Variants in BNC2 observed in about 807,000 individuals in gnomAD.
BNC2 encodes the protein basonuclin zinc finger protein 2, also known as zinc finger protein basonuclin-2.
A neutral mutation model predicts 76.3 loss-of-function variants in BNC2; 20 were observed. The ratio of observed to expected loss-of-function variants is 0.26; its 90% CI spans 0.18 to 0.38. BNC2 has a LOEUF of 0.38. Ranked by LOEUF, BNC2 falls within the 10% of genes least tolerant of loss-of-function variation. The pLI is 1.00. For synonymous variants in BNC2, 582 were observed against 514.8 expected (o/e 1.13, Z -1.77); for missense variants, 1,382 against 1,399.8 (o/e 0.99, Z 0.20).
At chr9:16,856,764 C>T (rs147161579) in intron 1 of BNC2, among the ~76,000 whole-genome samples, 126 of 152,222 alleles carry the variant, frequency 8.3e-4, no homozygotes, top group African/African-American at 2.9e-3. Flanking sequence ...TTTAAATCAC[C>T]ATTTTGAATC....
At chr9:16,801,751 C>A (rs1488349817) in intron 1 of BNC2, among the ~76,000 whole-genome samples, 1 of 149,376 alleles carries the variant, frequency 6.7e-6, no homozygotes, top group African/African-American at 2.5e-5. Flanking sequence ...AAAACACACA[C>A]ACACAGAAAA....
intron 5 of BNC2, among the ~76,000 whole-genome samples, chr9:16,537,147 G>A (rs886748148): frequency 3.9e-5 from 6 of 151,926 alleles, no homozygotes; most frequent in Admixed American, 1.3e-4. Context: ...CAACTACCCT[G>A]GATAGAAGAT....
intron 3 of BNC2, chr9:16,726,676 C>T (rs939008699): frequency 1.3e-5 from 2 of 151,728 alleles, no homozygotes; most frequent in East Asian, 3.9e-4. Flanking sequence ...TACTTTCGTG[C>T]TGTGTGGATG....
chr9:16,691,309 A>C (rs546290039), intron 3 of BNC2, among the ~76,000 whole-genome samples: 1 of 152,222 alleles, frequency 6.6e-6, no homozygotes, highest in Admixed American at 6.5e-5. Flanking sequence ...GTCTCCCTCT[A>C]CATTTGATAA....
chr9:16,699,056 C>T, intron 3 of BNC2: 1 of 389,268 alleles, frequency 2.6e-6, no homozygotes, highest in Non-Finnish European at 5.0e-6. Context: ...TTCCAGAAAG[C>T]TAAGATGGTA....
intron 1 of BNC2, among the ~76,000 whole-genome samples, chr9:16,861,181 A>AAC (rs1287136917): frequency 1.4e-4 from 18 of 131,758 alleles, no homozygotes; most frequent in African/African-American, 5.3e-4. Context: ...ATCTCTACAA[A>AAC]ATATATATAT....
At chr9:16,465,773 T>C (rs1187491675) in intron 5 of BNC2, among the ~76,000 whole-genome samples, 1 of 152,188 alleles carries the variant, frequency 6.6e-6, no homozygotes, top group Non-Finnish European at 1.5e-5. Flanking sequence ...AAGTTCCACT[T>C]AGGAGATGAC....
At chr9:16,568,526 C>A (rs1952345) in intron 4 of BNC2, among the ~76,000 whole-genome samples, 27,382 of 151,992 alleles carry the variant, frequency 0.18, 4,664 homozygotes, top group African/African-American at 0.45. Flanking sequence ...CTAGCCCATG[C>A]ACTTCCACAG....
chr9:16,587,571 C>T (rs557454263), intron 3 of BNC2, among the ~76,000 whole-genome samples: 27 of 152,258 alleles, frequency 1.8e-4, no homozygotes, highest in African/African-American at 6.3e-4. Context: ...TCTCTTCTCT[C>T]CCCATCTGCA....
At chr9:16,867,823 G>A (rs1404969132) in intron 1 of BNC2, 1 of 150,138 alleles carries the variant, frequency 6.7e-6, no homozygotes, top group African/African-American at 2.5e-5. Context: ...AAAAATACAA[G>A]AAAAGATCAA....
intron 3 of BNC2, among the ~76,000 whole-genome samples, chr9:16,678,066 AAG>A (rs1309098850): frequency 1.3e-5 from 2 of 151,968 alleles, no homozygotes; most frequent in African/African-American, 4.8e-5. Flanking sequence ...GCAAAATAAA[AAG>A]AGAGAATAAT....
chr9:16,714,558 T>G (rs556144498), intron 3 of BNC2, among the ~76,000 whole-genome samples: 1 of 152,334 alleles, frequency 6.6e-6, no homozygotes, highest in South Asian at 2.1e-4. Flanking sequence ...ACTGTTAATC[T>G]CTGGTCTTTT....
At chr9:16,463,986 C>T (rs1821647185) in intron 5 of BNC2, among the ~76,000 whole-genome samples, 1 of 148,706 alleles carries the variant, frequency 6.7e-6, no homozygotes, top group Non-Finnish European at 1.5e-5. Flanking sequence ...ATCCCAGCTA[C>T]TTGAGGCTGA....
intron 5 of BNC2, among the ~76,000 whole-genome samples, chr9:16,490,813 C>T (rs1822263140): frequency 6.6e-6 from 1 of 152,162 alleles, no homozygotes; most frequent in African/African-American, 2.4e-5. Flanking sequence ...GAGATAAACA[C>T]AACTACATAA....
chr9:16,668,885 G>A (rs997542008), intron 3 of BNC2, among the ~76,000 whole-genome samples: 1 of 152,146 alleles, frequency 6.6e-6, no homozygotes, highest in East Asian at 1.9e-4. Context: ...CTCCCAGGGT[G>A]AGCAAATAAT....
At position 16,549,136 on chromosome 9, in the gene BNC2, C is replaced by G. The variant is rs1818580315; in HGVS notation, c.669+3394G>C. On this transcript the variant is annotated intron_variant, in intron 5 of 6. Coordinates refer to ENST00000380672, the MANE Select transcript of BNC2 (RefSeq NM_017637.6). ...CCTCTTCCCCCTACATCCAAAAATT[C>G]AAAATCAGATCAGACAACTGTCATT... Among the ~76,000 whole-genome samples, 3 of 152,158 alleles carry G rather than the reference C, an allele frequency of 2.0e-5. No individual in the cohort carries two copies. The South Asian group carries it at 6.2e-4, about 32-fold the overall frequency.
chr9:16,455,017 G>A (rs1821416917), intron 5 of BNC2, among the ~76,000 whole-genome samples: 1 of 152,058 alleles, frequency 6.6e-6, no homozygotes, highest in Non-Finnish European at 1.5e-5. Flanking sequence ...AGAAAAACAA[G>A]TTGGAAAGAA....
intron 1 of BNC2, among the ~76,000 whole-genome samples, chr9:16,855,726 T>C (rs935352891): frequency 1.4e-4 from 21 of 151,750 alleles, no homozygotes; most frequent in Non-Finnish European, 2.5e-4. Context: ...TTTTTTTTTT[T>C]TTAAGTAGAG....
intron 1 of BNC2, among the ~76,000 whole-genome samples, chr9:16,804,203 T>C (rs143766571): frequency 3.9e-5 from 6 of 152,218 alleles, no homozygotes; most frequent in South Asian, 2.1e-4. Flanking sequence ...CAATAAAGCA[T>C]CATAAAATAA....
Sources: gnomAD v4.1 joint callset for allele counts (sites outside exome capture counted in the v4.1 genomes callset) on GRCh38, gnomAD v4.1.1 for gene constraint, MANE v1.5 for transcripts, NCBI Gene and HGNC (gene_info 2026-07-23, HGNC 2026-07-21) for gene names.